Variants in ZFYVE9 observed in about 807,000 individuals in gnomAD.
ZFYVE9 encodes zinc finger FYVE domain-containing protein 9.
Under a neutral mutation model 126.7 loss-of-function variants are expected in ZFYVE9, and 43 were observed. That is an observed-to-expected ratio of 0.34 (90% CI 0.27 to 0.44). The LOEUF (loss-of-function observed/expected upper bound fraction) is 0.44. ZFYVE9 is among the 20% of genes least tolerant of loss of function. The probability of loss-of-function intolerance (pLI) is 1.00; values close to 1 mark genes in which losing one functional copy is unlikely to be tolerated. For synonymous variants in ZFYVE9, 521 were observed against 597.4 expected (o/e 0.87, Z 1.87); for missense variants, 1,476 against 1,697.0 (o/e 0.87, Z 2.29).
chr1:52,344,579 A>G (rs1646467480), intron 17 of ZFYVE9, among the ~76,000 whole-genome samples, 189 bp from the exon 18 acceptor site: 1 of 151,846 alleles, frequency 6.6e-6, no homozygotes, highest in Admixed American at 6.6e-5. Context: ...ATGGAGAGAC[A>G]GGGATTGTTT....
At chr1:52,168,867 A>C (rs564911062) in intron 1 of ZFYVE9, among the ~76,000 whole-genome samples, 1 of 152,236 alleles carries the variant, frequency 6.6e-6, no homozygotes, top group African/African-American at 2.4e-5. Context: ...GTTTCTTTTA[A>C]TGTATTGAAA....
At chr1:52,146,058 A>AC in intron 1 of ZFYVE9, among the ~76,000 whole-genome samples, 1 of 70,134 alleles carries the variant, frequency 1.4e-5, no homozygotes, top group Middle Eastern at 7.0e-3. Context: ...CACACACACA[A>AC]AAGTAATCAT....
intron 1 of ZFYVE9, among the ~76,000 whole-genome samples, chr1:52,172,748 A>G (rs1644585645): frequency 6.6e-6 from 1 of 151,108 alleles, no homozygotes; most frequent in South Asian, 2.1e-4. Context: ...TAAGTATTTT[A>G]TTCTCTTTGA....
intron 1 of ZFYVE9, among the ~76,000 whole-genome samples, chr1:52,173,709 C>A (rs935777239): frequency 6.6e-6 from 1 of 152,132 alleles, no homozygotes; most frequent in Non-Finnish European, 1.5e-5. Context: ...AGAGATTCAA[C>A]TTCTTCCTGG....
At chr1:52,242,983 G>T (rs141872272) in intron 4 of ZFYVE9, among the ~76,000 whole-genome samples, 18 of 152,336 alleles carry the variant, frequency 1.2e-4, no homozygotes, top group African/African-American at 3.8e-4. Context: ...TTATCATGCA[G>T]TATTGTCTTT....
At chr1:52,153,011 C>T (rs938046688) in intron 1 of ZFYVE9, among the ~76,000 whole-genome samples, 13 of 152,156 alleles carry the variant, frequency 8.5e-5, no homozygotes, top group Non-Finnish European at 1.8e-4. Flanking sequence ...GCACATATTG[C>T]CTGTTAGAGG....
At chr1:52,317,581 T>C (rs1646197998) in intron 13 of ZFYVE9, among the ~76,000 whole-genome samples, 1 of 150,824 alleles carries the variant, frequency 6.6e-6, no homozygotes, top group South Asian at 2.1e-4. Context: ...AAATACAAAA[T>C]AGAAGAAATA....
intron 1 of ZFYVE9, among the ~76,000 whole-genome samples, chr1:52,155,118 G>C (rs1410836366): frequency 6.6e-6 from 1 of 152,068 alleles, no homozygotes; most frequent in South Asian, 2.1e-4. Context: ...ATGACCTGGC[G>C]AGTCCTAGTG....
At chr1:52,272,673 C>CTTTTTTTTTTTTTTTTTTTTTTTT (rs58857376) in intron 7 of ZFYVE9, among the ~76,000 whole-genome samples, 11 of 121,258 alleles carry the variant, frequency 9.1e-5, no homozygotes, top group East Asian at 2.4e-4. Context: ...TAGAAATAAT[C>CTTTTTTTTTTTTTTTTTTTTTTTT]TTTTTTTTTT....
intron 1 of ZFYVE9, among the ~76,000 whole-genome samples, chr1:52,157,073 C>T (rs1644409688): frequency 6.6e-6 from 1 of 152,088 alleles, no homozygotes; most frequent in African/African-American, 2.4e-5. Context: ...ACCTCGTGAT[C>T]CGCCTGCCTC....
intron 1 of ZFYVE9, among the ~76,000 whole-genome samples, chr1:52,203,654 A>AT (rs1553124360): frequency 1.3e-5 from 2 of 150,490 alleles, no homozygotes; most frequent in Non-Finnish European, 3.0e-5. Flanking sequence ...AGTTACAAGT[A>AT]TTTTTTTCTC....
At chr1:52,237,350 A>G (rs1645282221) in intron 3 of ZFYVE9, 138 bp from the exon 4 acceptor site, 1 of 785,204 alleles carries the variant, frequency 1.3e-6, no homozygotes, top group Non-Finnish European at 1.9e-6. Context: ...ATATTTTCTT[A>G]TTTTTTAGCC....
chr1:52,195,480 T>C (rs905275032), intron 1 of ZFYVE9, among the ~76,000 whole-genome samples: 1 of 152,192 alleles, frequency 6.6e-6, no homozygotes. Context: ...GTGCCAGCAA[T>C]GCAACAAAGA....
chr1:52,297,979 G>C (rs1645994871), intron 12 of ZFYVE9, among the ~76,000 whole-genome samples: 1 of 152,094 alleles, frequency 6.6e-6, no homozygotes, highest in Non-Finnish European at 1.5e-5. Context: ...CTCCCAAAGT[G>C]CCTTTTGCCT....
intron 1 of ZFYVE9, among the ~76,000 whole-genome samples, chr1:52,204,963 TC>T: frequency 6.6e-6 from 1 of 152,316 alleles, no homozygotes. Context: ...GACATCTGGT[TC>T]CCACAGAGGT....
intron 4 of ZFYVE9, among the ~76,000 whole-genome samples, chr1:52,257,319 T>C (rs568641778): frequency 6.6e-6 from 1 of 152,304 alleles, no homozygotes; most frequent in South Asian, 2.1e-4. Flanking sequence ...ATTTTACATG[T>C]GAGAAAAACT....
intron 1 of ZFYVE9, among the ~76,000 whole-genome samples, chr1:52,178,622 C>T (rs1286049747): frequency 6.6e-6 from 1 of 152,118 alleles, no homozygotes; most frequent in Non-Finnish European, 1.5e-5. Context: ...AGCCACCTCG[C>T]CCGGCTTATT....
intron 7 of ZFYVE9, among the ~76,000 whole-genome samples, chr1:52,270,042 A>C (rs2147804360): frequency 6.6e-6 from 1 of 151,994 alleles, no homozygotes; most frequent in Non-Finnish European, 1.5e-5. Context: ...CAACTTAACC[A>C]TTTTGCCACA....
chr1:52,175,336 A>G (rs1644615298), intron 1 of ZFYVE9, among the ~76,000 whole-genome samples: 1 of 149,026 alleles, frequency 6.7e-6, no homozygotes, highest in Non-Finnish European at 1.5e-5. Flanking sequence ...ATTGGCCCCT[A>G]CTCTCTTCTG....
Sources: gnomAD v4.1 joint callset for allele counts (sites outside exome capture counted in the v4.1 genomes callset) on GRCh38, gnomAD v4.1.1 for gene constraint, MANE v1.5 for transcripts, NCBI Gene and HGNC (gene_info 2026-07-23, HGNC 2026-07-21) for gene names.